The following FAM13A variants were observed in gnomAD, a reference collection of about 807,000 sequenced individuals.
The protein encoded by FAM13A is family with sequence similarity 13 member A.
Under a neutral mutation model 129.6 loss-of-function variants are expected in FAM13A, and 76 were observed. The observed-to-expected ratio is 0.59, with a 90% CI of 0.49 to 0.71. FAM13A has a LOEUF of 0.71. Ranked by LOEUF, FAM13A falls within the 30% of genes least tolerant of loss-of-function variation. FAM13A has a pLI of 0.00. For synonymous variants in FAM13A, 443 were observed against 449.9 expected, an observed-to-expected ratio of 0.98 and a Z score of 0.20; for missense variants, 1,108 against 1,249.3, an observed-to-expected ratio of 0.89 and a Z score of 1.70.
chr4:89,020,757 T>C lies in FAM13A; in HGVS notation c.218-88A>G. Reference sequence around the variant, plus strand: ...TGATAACAACACAAAGAAAGAAATCTCAGCATATGATTCTCTCAACACTGT... The same window carrying C: ...TGATAACAACACAAAGAAAGAAATCCCAGCATATGATTCTCTCAACACTGT... On this transcript the variant is annotated intron_variant, in intron 2 of 23. Transcript: ENST00000264344. 3 of 846,084 alleles carry C rather than the reference T, an allele frequency of 3.5e-6. No homozygotes were observed. The South Asian group carries it at 4.6e-5, about 13-fold the overall frequency. The allele number at this position is 846,084 out of a possible 1,614,324, so 52.4% of individuals were successfully genotyped here.
At chr4:88,932,260 C>A (rs752698325) in intron 5 of FAM13A, among the ~76,000 whole-genome samples, 3 of 152,298 alleles carry the variant, frequency 2.0e-5, no homozygotes, top group African/African-American at 7.2e-5. Flanking sequence ...TGATCTTAAG[C>A]AATTTATCAT....
intron 4 of FAM13A, among the ~76,000 whole-genome samples, chr4:88,956,187 T>C (rs1757728664): frequency 6.6e-6 from 1 of 152,248 alleles, no homozygotes. Context: ...CTTCCAGTTC[T>C]GAAAGCTCCA....
chr4:88,750,949 G>C (rs547372993), intron 14 of FAM13A, among the ~76,000 whole-genome samples: 1 of 152,130 alleles, frequency 6.6e-6, no homozygotes, highest in African/African-American at 2.4e-5. Flanking sequence ...ACTCTTCCAC[G>C]TGATGGCATC....
chr4:88,776,061 G>A (rs17014546), intron 11 of FAM13A, among the ~76,000 whole-genome samples: 12,982 of 152,144 alleles, frequency 0.085, 975 homozygotes, highest in East Asian at 0.31. Flanking sequence ...GAAGTTGTTC[G>A]TAGATAAGAG....
intron 6 of FAM13A, among the ~76,000 whole-genome samples, chr4:88,872,425 T>G (rs1400680187): frequency 6.6e-6 from 1 of 152,026 alleles, no homozygotes; most frequent in Non-Finnish European, 1.5e-5. Flanking sequence ...AGGCTCAAAA[T>G]AAAGGGATGG....
At chr4:88,848,107 G>A (rs1736975910) in intron 7 of FAM13A, among the ~76,000 whole-genome samples, 1 of 152,136 alleles carries the variant, frequency 6.6e-6, no homozygotes. Flanking sequence ...TGATTTTAAA[G>A]AGGACCAGTA....
intron 7 of FAM13A, among the ~76,000 whole-genome samples, chr4:88,813,876 G>A (rs1052679583): frequency 1.3e-5 from 2 of 152,110 alleles, no homozygotes; most frequent in Admixed American, 1.3e-4. Context: ...CCACAACCAC[G>A]GGCAGGTGCT....
intron 6 of FAM13A, among the ~76,000 whole-genome samples, chr4:88,872,665 T>C (rs1741628046): frequency 6.6e-6 from 1 of 152,210 alleles, no homozygotes; most frequent in South Asian, 2.1e-4. Context: ...CAAAGAGATG[T>C]AGACCCCCAC....
At chr4:89,008,397 TGAG>T (rs1765328268) in intron 3 of FAM13A, among the ~76,000 whole-genome samples, 1 of 152,058 alleles carries the variant, frequency 6.6e-6, no homozygotes, top group South Asian at 2.1e-4. Context: ...AAAGGCTACG[TGAG>T]GACACAGCAA....
rs1362940909 is a variant in FAM13A, at chr4:89,037,777, A to G, written c.28-8128T>C. ...ATGGTAATAGTGAGTCAGTTCTCAC[A>G]AGATCTGGTTGTTTAAAAGTGTGTA... On this transcript the variant is annotated intron_variant, in intron 1 of 23. Coordinates refer to ENST00000264344, the MANE Select transcript of FAM13A (RefSeq NM_014883.4). Among the ~76,000 whole-genome samples, 4 of 152,222 alleles carry G rather than the reference A, an allele frequency of 2.6e-5. No homozygotes were observed. The South Asian group carries it at 8.3e-4, about 32-fold the overall frequency.
At chr4:88,917,121 G>A (rs1185989339) in intron 5 of FAM13A, among the ~76,000 whole-genome samples, 1 of 152,036 alleles carries the variant, frequency 6.6e-6, no homozygotes, top group East Asian at 1.9e-4. Flanking sequence ...TCTGTTTTGT[G>A]TTGCTATAAA....
At chr4:89,015,067 T>C (rs867665421) in intron 3 of FAM13A, among the ~76,000 whole-genome samples, 1 of 152,154 alleles carries the variant, frequency 6.6e-6, no homozygotes, top group African/African-American at 2.4e-5. Flanking sequence ...ATCTGTCTTT[T>C]ACGGTTGAAG....
At chr4:88,972,850 C>T (rs1760319898) in intron 4 of FAM13A, among the ~76,000 whole-genome samples, 1 of 152,156 alleles carries the variant, frequency 6.6e-6, no homozygotes, top group African/African-American at 2.4e-5. Context: ...TCAGGTGATC[C>T]ACCTGCCTTG....
intron 6 of FAM13A, among the ~76,000 whole-genome samples, chr4:88,863,190 T>C (rs1463530642): frequency 6.6e-6 from 1 of 152,076 alleles, no homozygotes; most frequent in East Asian, 1.9e-4. Flanking sequence ...GGGTGGGAAC[T>C]TACAGCCTCT....
At chr4:89,032,520 A>T (rs531443056) in intron 1 of FAM13A, among the ~76,000 whole-genome samples, 3 of 152,278 alleles carry the variant, frequency 2.0e-5, no homozygotes, top group Non-Finnish European at 2.9e-5. Context: ...GAAAATCAGG[A>T]CCTAAAAAAT....
chr4:88,784,787 G>C (rs1723649549), intron 10 of FAM13A, among the ~76,000 whole-genome samples: 1 of 152,038 alleles, frequency 6.6e-6, no homozygotes, highest in Non-Finnish European at 1.5e-5. Context: ...TACAGAAGTA[G>C]AGACACTATC....
chr4:88,764,859 C>A (rs1745441083), intron 13 of FAM13A, among the ~76,000 whole-genome samples: 1 of 152,124 alleles, frequency 6.6e-6, no homozygotes, highest in South Asian at 2.1e-4. Flanking sequence ...AAATTTTAAT[C>A]CAAACCACAT....
intron 15 of FAM13A, 28 bp from the exon 16 acceptor site, chr4:88,749,937 T>C (rs745956566): frequency 6.2e-7 from 1 of 1,610,494 alleles, no homozygotes; most frequent in South Asian, 1.1e-5. Flanking sequence ...TGGGTCAGTT[T>C]CCCCAGGAGC....
chr4:88,873,957 C>T (rs1741907091), intron 6 of FAM13A, among the ~76,000 whole-genome samples: 1 of 152,260 alleles, frequency 6.6e-6, no homozygotes, highest in East Asian at 1.9e-4. Context: ...AAGTTGGCTT[C>T]ATCCCTGGGA....
Sources: gnomAD v4.1 joint callset for allele counts (sites outside exome capture counted in the v4.1 genomes callset) on GRCh38, gnomAD v4.1.1 for gene constraint, MANE v1.5 for transcripts, NCBI Gene and HGNC (gene_info 2026-07-23, HGNC 2026-07-21) for gene names.